The following SEC22A variants were observed in gnomAD, a reference collection of about 807,000 sequenced individuals.
SEC22A encodes the protein vesicle-trafficking protein SEC22a.
A neutral mutation model predicts 35.3 loss-of-function variants in SEC22A; 22 were observed. That is an observed-to-expected ratio of 0.62 (90% CI 0.45 to 0.89). SEC22A has a LOEUF of 0.89. SEC22A is among the 40% of genes least tolerant of loss of function. SEC22A has a pLI of 0.00. For synonymous variants in SEC22A, 119 were observed against 129.5 expected (o/e 0.92, Z 0.55); for missense variants, 354 against 362.5 (o/e 0.98, Z 0.19).
At chr3:123,236,068 A>T (rs189881263) in intron 4 of SEC22A, among the ~76,000 whole-genome samples, 1 of 152,338 alleles carries the variant, frequency 6.6e-6, no homozygotes, top group Non-Finnish European at 1.5e-5. Flanking sequence ...GGCAGTGACT[A>T]CTAATAGGTA....
chr3:123,229,225 T>G (rs1196610609), intron 4 of SEC22A, among the ~76,000 whole-genome samples: 1 of 152,166 alleles, frequency 6.6e-6, no homozygotes, highest in African/African-American at 2.4e-5. Flanking sequence ...GAGAAAGTCT[T>G]GAAATCAGCA....
Position 123,222,125 on chromosome 3 carries a change from ATTT to A in SEC22A, c.183-1423_183-1421del, listed in dbSNP as rs35556808. The stretch of plus-strand genomic sequence containing the variant: ...TTGACCCAGGAATATGCTTTATAGC[ATTT>A]TTTTTTTTTTATTGCTTTTTGGCAC... On this transcript the variant is annotated intron_variant, in intron 2 of 6. Coordinates refer to ENST00000492595, the MANE Select transcript of SEC22A (RefSeq NM_012430.5). Among the ~76,000 whole-genome samples, 63 of 148,058 alleles carry A rather than the reference ATTT, an allele frequency of 4.3e-4. 1 individual carries two copies. The highest frequency in any genetic ancestry group is 4.3e-4 in the South Asian group (2 of 4,698).
intron 5 of SEC22A, among the ~76,000 whole-genome samples, chr3:123,257,686 G>A (rs1047705541): frequency 8.8e-5 from 13 of 146,988 alleles, no homozygotes; most frequent in Middle Eastern, 4.3e-3. Context: ...GTGATAGAAC[G>A]AGACTCAATC....
At chr3:123,237,908 TGAG>T (rs2108067215) in intron 4 of SEC22A, among the ~76,000 whole-genome samples, 1 of 152,150 alleles carries the variant, frequency 6.6e-6, no homozygotes, top group Admixed American at 6.5e-5. Flanking sequence ...TCCCAGCACT[TGAG>T]GAGGCCAGGG....
chr3:123,245,846 T>A, intron 4 of SEC22A, 53 bp from the exon 5 acceptor site: 1 of 983,192 alleles, frequency 1.0e-6, no homozygotes, highest in Non-Finnish European at 1.6e-6. Flanking sequence ...TTACCTAAGT[T>A]CATCTTTGTG....
At chr3:123,259,421 A>G (rs968324259) in intron 5 of SEC22A, 103 bp from the exon 6 acceptor site, 4 of 798,418 alleles carry the variant, frequency 5.0e-6, no homozygotes, top group Admixed American at 2.2e-5. Context: ...GTGTGTGACA[A>G]TTTTGACTGT....
chr3:123,230,728 G>A (rs1169174230), intron 4 of SEC22A, among the ~76,000 whole-genome samples: 1 of 146,176 alleles, frequency 6.8e-6, no homozygotes, highest in Non-Finnish European at 1.5e-5. Context: ...AAAAGTGAAG[G>A]AGGGATAGAG....
chr3:123,214,389 A>G (rs775993405), intron 2 of SEC22A, among the ~76,000 whole-genome samples: 11 of 152,156 alleles, frequency 7.2e-5, no homozygotes, highest in Non-Finnish European at 1.3e-4. Flanking sequence ...CGTAGTAGCT[A>G]CTAAATGAGG....
rs968339831 is a variant in SEC22A, at chr3:123,254,737, C to T, written c.658-4787C>T. On this transcript the variant is annotated intron_variant, in intron 5 of 6. Coordinates refer to ENST00000492595, the MANE Select transcript of SEC22A (RefSeq NM_012430.5). ...CTTTACCCTCTATTTCTTTTCTTTT[C>T]TTTTTTTTTATTATACTTCAAGTTC... Among the ~76,000 whole-genome samples the T allele has an allele frequency of 1.0e-3, 157 of 151,622 alleles. 1 individual carries two copies. Among genetic ancestry groups the T allele is most frequent in the African/African-American group, 3.5e-3 (145 of 41,356 alleles).
chr3:123,214,320 C>T lies in SEC22A; in HGVS notation c.182+4921C>T, dbSNP rs564697176. Among the ~76,000 whole-genome samples, 22 of 152,290 alleles carry T rather than the reference C, an allele frequency of 1.4e-4. 1 individual carries two copies. The South Asian group carries it at 3.3e-3, about 23-fold the overall frequency. On this transcript the variant is annotated intron_variant, in intron 2 of 6. Transcript: ENST00000492595. Reference sequence around the variant, plus strand: ...ATGTAGTAGCTGGATACTTCTGTTTCGCCAATGAAGGACATTCTGTGGAGC... The same window carrying T: ...ATGTAGTAGCTGGATACTTCTGTTTTGCCAATGAAGGACATTCTGTGGAGC...
chr3:123,223,497 T>G, intron 2 of SEC22A, 62 bp from the exon 3 acceptor site: 1 of 1,289,232 alleles, frequency 7.8e-7, no homozygotes, highest in Middle Eastern at 1.9e-4. Flanking sequence ...ACCAGTCTTG[T>G]GAAGCAGTGA....
chr3:123,259,404 T>A lies in SEC22A; in HGVS notation c.658-120T>A, dbSNP rs1937824752. The A allele has an allele frequency of 5.9e-6, 4 of 683,380 alleles. No homozygotes were observed. In the Admixed American group the frequency reaches 9.6e-5, roughly 16 times the overall value. 42.3% of individuals were successfully genotyped at this position (683,380 alleles called of 1,614,324 possible). On this transcript the variant is annotated intron_variant, in intron 5 of 6. Coordinates refer to ENST00000492595, the MANE Select transcript of SEC22A (RefSeq NM_012430.5). ...ATTTTAGGACTCTTGAGAATTTCTA[T>A]ATACCAGTGTGTGACAATTTTGACT...
At chr3:123,202,033 G>C (rs762906916) in intron 1 of SEC22A, 47 bp downstream of exon 1, 1 of 153,002 alleles carries the variant, frequency 6.5e-6, no homozygotes, top group Admixed American at 6.5e-5. Flanking sequence ...CTTAGGGGTC[G>C]TTCGAATCCC....
intron 5 of SEC22A, among the ~76,000 whole-genome samples, chr3:123,247,154 A>C (rs904025682): frequency 1.3e-5 from 2 of 152,218 alleles, no homozygotes; most frequent in Non-Finnish European, 2.9e-5. Flanking sequence ...TCAGCTGTTT[A>C]GATGACCTAA....
chr3:123,232,619 G>A (rs895109595), intron 4 of SEC22A, among the ~76,000 whole-genome samples: 2 of 152,210 alleles, frequency 1.3e-5, no homozygotes, highest in Admixed American at 6.5e-5. Context: ...GGCCGAAGCA[G>A]GTAGATGGCT....
At chr3:123,228,860 T>A (rs1937263295) in intron 4 of SEC22A, among the ~76,000 whole-genome samples, 3 of 152,062 alleles carry the variant, frequency 2.0e-5, no homozygotes, top group Non-Finnish European at 2.9e-5. Context: ...GTAAAATTAC[T>A]AAAATGAAAA....
intron 6 of SEC22A, among the ~76,000 whole-genome samples, chr3:123,269,732 A>T (rs909179732): frequency 6.9e-6 from 1 of 144,812 alleles, no homozygotes; most frequent in Non-Finnish European, 1.5e-5. Flanking sequence ...TCCCAGGTTC[A>T]TGCCATTCTC....
chr3:123,268,951 G>A (rs776808491), intron 6 of SEC22A, among the ~76,000 whole-genome samples: 14 of 152,048 alleles, frequency 9.2e-5, no homozygotes, highest in Admixed American at 2.6e-4. Context: ...TCTGTTACTC[G>A]TGATTATATT....
intron 1 of SEC22A, chr3:123,208,364 C>G (rs1936883352): frequency 3.3e-5 from 5 of 152,142 alleles, no homozygotes; most frequent in Admixed American, 2.6e-4. Flanking sequence ...TTATTTTTCT[C>G]AAGACAGGTA....
Sources: allele counts gnomAD v4.1 joint callset (sites outside exome capture counted in the v4.1 genomes callset), GRCh38; gene constraint gnomAD v4.1.1; transcripts MANE v1.5; gene names NCBI Gene and HGNC (gene_info 2026-07-23, HGNC 2026-07-21).